The following ITGB8 variants were observed in gnomAD, a reference collection of about 807,000 sequenced individuals.
ITGB8 encodes integrin subunit beta 8.
A neutral mutation model predicts 89.5 loss-of-function variants in ITGB8; 30 were observed. The observed-to-expected ratio is 0.34, with a 90% CI of 0.25 to 0.45. The LOEUF (loss-of-function observed/expected upper bound fraction) is 0.45. Ranked by LOEUF, ITGB8 falls within the 20% of genes least tolerant of loss-of-function variation. The pLI is 1.00. For synonymous variants in ITGB8, 335 were observed against 320.4 expected (o/e 1.05, Z -0.49); for missense variants, 836 against 933.3 (o/e 0.90, Z 1.36).
chr7:20,334,177 A>T (rs1784502207), intron 1 of ITGB8, among the ~76,000 whole-genome samples: 1 of 152,166 alleles, frequency 6.6e-6, no homozygotes, highest in South Asian at 2.1e-4. Context: ...AAATCCAAAG[A>T]TTTCTGATGT....
chr7:20,357,294 T>G (rs1379348902), intron 1 of ITGB8, among the ~76,000 whole-genome samples: 1 of 152,206 alleles, frequency 6.6e-6, no homozygotes, highest in Non-Finnish European at 1.5e-5. Flanking sequence ...AATCTTTTTT[T>G]TACTAAATAA....
At chr7:20,392,054 T>A (rs561439913) in intron 7 of ITGB8, among the ~76,000 whole-genome samples, 1 of 152,168 alleles carries the variant, frequency 6.6e-6, no homozygotes, top group African/African-American at 2.4e-5. Flanking sequence ...TTGGGCCAGG[T>A]GAGACCCTCA....
intron 3 of ITGB8, among the ~76,000 whole-genome samples, chr7:20,371,265 A>G (rs2127951752): frequency 6.6e-6 from 1 of 152,336 alleles, no homozygotes; most frequent in South Asian, 2.1e-4. Flanking sequence ...AGTATACATA[A>G]ATATGATTAC....
At chr7:20,374,426 T>C (rs150996707) in intron 3 of ITGB8, among the ~76,000 whole-genome samples, 12 of 151,262 alleles carry the variant, frequency 7.9e-5, no homozygotes, top group Non-Finnish European at 1.6e-4. Flanking sequence ...GCATTTACTA[T>C]ATAGGCAATA....
Position 20,410,106 on chromosome 7 carries a change from G to T in ITGB8, c.*109G>T. The T allele has an allele frequency of 9.3e-7, 1 of 1,079,334 alleles. No individual in the cohort carries two copies. The highest frequency in any genetic ancestry group is 1.4e-6 in the Non-Finnish European group (1 of 739,300). The allele number at this position is 1,079,334 out of a possible 1,614,324, so 66.9% of individuals were successfully genotyped here. ...AGACAAATTGCTCACGGTCATGCCA[G>T]TTGCTGGTTGTACACTCGAACGAAG... is the stretch of plus-strand genomic sequence containing the variant. On this transcript the variant is annotated 3_prime_UTR_variant, in exon 14 of 14. Coordinates refer to ENST00000222573, the MANE Select transcript of ITGB8 (RefSeq NM_002214.3).
chr7:20,364,426 A>C (rs1785617345), intron 2 of ITGB8, among the ~76,000 whole-genome samples: 1 of 152,156 alleles, frequency 6.6e-6, no homozygotes, highest in South Asian at 2.1e-4. Flanking sequence ...AACTGTGCCT[A>C]CTGTTATCCT....
At chr7:20,368,144 A>G (rs1785779660) in intron 3 of ITGB8, among the ~76,000 whole-genome samples, 1 of 152,226 alleles carries the variant, frequency 6.6e-6, no homozygotes, top group African/African-American at 2.4e-5. Context: ...GGCCCTGGGC[A>G]TATTCCCAGT....
intron 3 of ITGB8, among the ~76,000 whole-genome samples, chr7:20,374,012 A>C (rs984018116): frequency 6.6e-6 from 1 of 152,200 alleles, no homozygotes; most frequent in Non-Finnish European, 1.5e-5. Context: ...CTTCTTTCTA[A>C]TTCTGCCACA....
At chr7:20,405,735 A>G (rs775024751) in intron 11 of ITGB8, among the ~76,000 whole-genome samples, 3 of 151,926 alleles carry the variant, frequency 2.0e-5, no homozygotes, top group Non-Finnish European at 4.4e-5. Context: ...TTTTGTGCCA[A>G]TAAATTTTTC....
intron 8 of ITGB8, 128 bp downstream of exon 8, chr7:20,395,113 C>G: frequency 1.7e-6 from 1 of 597,968 alleles, no homozygotes; most frequent in Non-Finnish European, 2.9e-6. Flanking sequence ...AATTAGGAAT[C>G]TGAAGTTCAT....
intron 10 of ITGB8, 109 bp from the exon 11 acceptor site, chr7:20,404,519 T>C (rs545344205): frequency 1.4e-5 from 12 of 854,680 alleles, no homozygotes; most frequent in African/African-American, 5.0e-5. Context: ...TTCCCATTCA[T>C]TGGACTGTCA....
Position 20,409,970 on chromosome 7 carries a change from T to A in ITGB8, c.2283T>A (p.Ala761=). Residue 761 remains alanine (A), a synonymous_variant, in exon 14 of 14, where the codon GCT becomes GCA. Transcript: ENST00000222573. ...AAATGGATATCAGCAAATTAAATGC[T>A]CATGAAACTTTCAGGTGCAACTTCT... ...EIKMDISKLN[A]HETFRCNF is the part of the protein sequence containing the mutation. The A allele has an allele frequency of 5.0e-6, 8 of 1,612,006 alleles. No individual in the cohort carries two copies. Among genetic ancestry groups the A allele is most frequent in the Non-Finnish European group, 6.8e-6 (8 of 1,179,394 alleles).
chr7:20,411,644 T>C lies in ITGB8; in HGVS notation c.*1647T>C, dbSNP rs1787765355. On this transcript the variant is annotated 3_prime_UTR_variant, in exon 14 of 14. Coordinates refer to ENST00000222573, the MANE Select transcript of ITGB8 (RefSeq NM_002214.3). ...TAAAATATTCAATTGGCAAATGTTT[T>C]TCAATGTGATTTACTCATGTCTTAA... 6.5e-6 allele frequency: 1 copy of C among 152,688 alleles called. No homozygotes were observed. Among genetic ancestry groups the C allele is most frequent in the Non-Finnish European group, 1.5e-5 (1 of 68,050 alleles). The allele number at this position is 152,688 out of a possible 1,614,324, so 9.5% of individuals were successfully genotyped here.
At chr7:20,405,998 G>T in intron 11 of ITGB8, 64 bp from the exon 12 acceptor site, 1 of 968,372 alleles carries the variant, frequency 1.0e-6, no homozygotes, top group Admixed American at 2.0e-5. Context: ...TTTTCTTGCA[G>T]AAAATATTAT....
At chr7:20,330,825 G>A (rs777239636), upstream of ITGB8, 17 of 152,328 alleles carry the variant, frequency 1.1e-4, no homozygotes, top group Non-Finnish European at 1.9e-4. Flanking sequence ...AGCCCCCCGG[G>A]GGGCCAGAGC....
intron 1 of ITGB8, among the ~76,000 whole-genome samples, chr7:20,348,982 A>AT (rs1400159900): frequency 6.6e-6 from 1 of 152,248 alleles, no homozygotes; most frequent in Non-Finnish European, 1.5e-5. Flanking sequence ...ACTATAGTTC[A>AT]TAACACAGTA....
At chr7:20,382,058 A>C (rs1003181934) in intron 6 of ITGB8, 173 bp downstream of exon 6, 2 of 489,390 alleles carry the variant, frequency 4.1e-6, no homozygotes, top group Non-Finnish European at 7.1e-6. Flanking sequence ...ATACTGATCA[A>C]TAAAATATAT....
intron 4 of ITGB8, 131 bp downstream of exon 4, chr7:20,379,428 G>A (rs892659088): frequency 6.1e-6 from 3 of 488,868 alleles, no homozygotes; most frequent in African/African-American, 6.0e-5. Flanking sequence ...TATTTGGTGA[G>A]GTGGGGAGGT....
rs140464017 is a variant in ITGB8 at position 20,354,941 on chromosome 7, TAC to T, written c.128-8693_128-8692del. On this transcript the variant is annotated intron_variant, in intron 1 of 13. Coordinates refer to ENST00000222573, the MANE Select transcript of ITGB8 (RefSeq NM_002214.3). Reference sequence around the variant, plus strand: ...AGGCAAACAGCAATCTGTGTGACAATACACTCTAATCATTTATCACCCTCTGG... The same window carrying T: ...AGGCAAACAGCAATCTGTGTGACAATACTCTAATCATTTATCACCCTCTGG... Among the ~76,000 whole-genome samples, 1,204 of 152,326 alleles carry T rather than the reference TAC, an allele frequency of 7.9e-3. 20 individuals carry two copies. Among genetic ancestry groups the T allele is most frequent in the African/African-American group, 0.026 (1,101 of 41,566 alleles).
Sources: allele counts gnomAD v4.1 joint callset (sites outside exome capture counted in the v4.1 genomes callset), GRCh38; gene constraint gnomAD v4.1.1; transcripts MANE v1.5; gene names NCBI Gene and HGNC (gene_info 2026-07-23, HGNC 2026-07-21).